KCNS1: variants seen among roughly 807,000 people sequenced by gnomAD.
KCNS1 encodes the protein delayed-rectifier potassium channel regulatory subunit KCNS1.
In KCNS1, 26 loss-of-function variants were observed where a neutral mutation model predicts 33.1. That is an observed-to-expected ratio of 0.79 (90% CI 0.58 to 1.09). The LOEUF is 1.09. KCNS1 is among the 50% of genes least tolerant of loss of function. KCNS1 has a pLI of 0.00. For missense variants in KCNS1, 702 were observed against 752.4 expected (o/e 0.93, Z 0.78); for synonymous variants, 299 against 338.8 (o/e 0.88, Z 1.29).
rs1981379274 is a variant in KCNS1, at chr20:45,101,112, C to G, written c.-195G>C. Reference sequence around the variant, plus strand: ...GGCTGAAGGCCGCATCGATCGCTGCCGGAGGAGGGAGTGAGGCCGCTGGCG... The same window carrying G: ...GGCTGAAGGCCGCATCGATCGCTGCGGGAGGAGGGAGTGAGGCCGCTGGCG... On this transcript the variant is annotated 5_prime_UTR_variant, in exon 1 of 4. Transcript: ENST00000537075. 6.6e-6 allele frequency: 1 copy of G among 152,444 alleles called. No homozygotes were observed. Among genetic ancestry groups the G allele is most frequent in the South Asian group, 2.1e-4 (1 of 4,832 alleles). 9.4% of individuals were successfully genotyped at this position (152,444 alleles called of 1,614,324 possible).
In KCNS1 at chr20:45,098,034, C is replaced by G; in HGVS notation, c.738G>C (p.Gln246His). Reference protein sequence around the residue: ...AMCIHSLPEYQAREAAAAVAA... With the variant: ...AMCIHSLPEYHAREAAAAVAA... ...CCACGGCGGCCGCCGCCTCGCGGGCCTGGTACTCGGGCAGGCTGTGGATGC... is the reference window on the plus strand; with the variant it reads ...CCACGGCGGCCGCCGCCTCGCGGGCGTGGTACTCGGGCAGGCTGTGGATGC... Residue 246 changes from glutamine (Q) to histidine (H), a missense_variant, in exon 3 of 4, where the codon CAG (glutamine) becomes CAC (histidine). By Grantham distance (24) the Gln-to-His change is conservative. Coordinates refer to ENST00000537075, the MANE Select transcript of KCNS1 (RefSeq NM_001322799.2). This position sits in a 1 kb window ranked among gnomAD's most constrained non-coding sequence, Gnocchi z 5.2. The G allele has an allele frequency of 6.6e-7, 1 of 1,520,580 alleles. No individual in the cohort carries two copies. Among genetic ancestry groups the G allele is most frequent in the Non-Finnish European group, 8.8e-7 (1 of 1,136,386 alleles). 94.2% of individuals were successfully genotyped at this position (1,520,580 alleles called of 1,614,324 possible).
In KCNS1 at chr20:45,092,757, T is replaced by C. The variant is rs1175641085; in HGVS notation, c.*2113A>G. ...ACACACACCTTCACACATGCCATTCTCTCTGCTTGGAGTACTCCCCCCTGG... is the reference window on the plus strand; with the variant it reads ...ACACACACCTTCACACATGCCATTCCCTCTGCTTGGAGTACTCCCCCCTGG... On this transcript the variant is annotated 3_prime_UTR_variant, in exon 4 of 4. Transcript: ENST00000537075. 6.6e-6 allele frequency: 1 copy of C among 151,894 alleles called. No individual in the cohort carries two copies. The highest frequency in any genetic ancestry group is 1.5e-5 in the Non-Finnish European group (1 of 67,992). 9.4% of individuals were successfully genotyped at this position (151,894 alleles called of 1,614,324 possible).
intron 3 of KCNS1, among the ~76,000 whole-genome samples, chr20:45,096,105 T>C (rs1981176507): frequency 6.6e-6 from 1 of 151,920 alleles, no homozygotes; most frequent in African/African-American, 2.4e-5. Flanking sequence ...TAAAGCAGAG[T>C]CTCTCCAACT....
intron 3 of KCNS1, among the ~76,000 whole-genome samples, chr20:45,096,643 A>G (rs1981193633): frequency 6.6e-6 from 1 of 152,210 alleles, no homozygotes; most frequent in Non-Finnish European, 1.5e-5. Context: ...AGCCAGGCAC[A>G]GGTGGGTTCT....
In KCNS1 at chr20:45,098,454, C is replaced by G. The variant is rs1316332092; in HGVS notation, c.318G>C (p.Arg106=). The part of the protein sequence containing the change: ...DEAAREFYFD[R]HPGFFLSLLH... ...GCAGGCTCAGGAAGAAGCCCGGGTG[C>G]CGGTCGAAGTAGAATTCGCGCGCCG... The change falls in exon 3 of 4, where the codon CGG becomes CGC. Residue 106 remains arginine, a synonymous_variant. Coordinates refer to ENST00000537075, the MANE Select transcript of KCNS1 (RefSeq NM_001322799.2). The surrounding 1 kb of genome is among the most constrained non-coding windows in gnomAD (Gnocchi z 5.2). 2 of 1,585,916 alleles carry G rather than the reference C, an allele frequency of 1.3e-6. No homozygotes were observed. Among genetic ancestry groups the G allele is most frequent in the Non-Finnish European group, 1.7e-6 (2 of 1,167,024 alleles).
rs768846266 is a variant in KCNS1, at chr20:45,095,041, C to T, written c.1410G>A (p.Leu470=). ...FSHFYRRQKA[L]EAAVRNSNHQ... ...GGTTGCTGTTGCGCACGGCTGCCTC[C>T]AGAGCCTTCTGGCGCCGGTAGAAGT... The change falls in exon 4 of 4, where the codon CTG becomes CTA. Residue 470 remains leucine (L), a synonymous_variant. Coordinates refer to ENST00000537075, the MANE Select transcript of KCNS1 (RefSeq NM_001322799.2). 2 of 1,613,974 alleles carry T rather than the reference C, an allele frequency of 1.2e-6. No individual in the cohort carries two copies. The highest frequency in any genetic ancestry group is 2.2e-5 in the South Asian group (2 of 91,072).
rs978599031 is a variant in KCNS1, at chr20:45,098,430, C to T, written c.342G>A (p.Leu114=). Reference sequence around the variant, plus strand: ...GGTGGCCAGTGCGGTAGAAGTGCAGCAGGCTCAGGAAGAAGCCCGGGTGCC... The same window carrying T: ...GGTGGCCAGTGCGGTAGAAGTGCAGTAGGCTCAGGAAGAAGCCCGGGTGCC... ...FDRHPGFFLS[L]LHFYRTGHLH... Residue 114 remains leucine (L), a synonymous_variant, in exon 3 of 4, where the codon CTG becomes CTA. Transcript: ENST00000537075. This position sits in a 1 kb window ranked among gnomAD's most constrained non-coding sequence, Gnocchi z 5.2. The T allele has an allele frequency of 1.3e-6, 2 of 1,596,018 alleles. No individual in the cohort carries two copies. Among genetic ancestry groups the T allele is most frequent in the African/African-American group, 2.7e-5 (2 of 74,242 alleles).
chr20:45,097,961 C>CCGGGTCGTCGCGCA lies in KCNS1; in HGVS notation c.797_810dup (p.Val271CysfsTer152). The CCGGGTCGTCGCGCA allele has an allele frequency of 6.4e-7, 1 of 1,560,536 alleles. No homozygotes were observed. Among genetic ancestry groups the CCGGGTCGTCGCGCA allele is most frequent in the South Asian group, 1.2e-5 (1 of 85,036 alleles). On this transcript the variant is annotated frameshift_variant, in exon 3 of 4. Transcript: ENST00000537075. LOFTEE classifies it high-confidence loss of function. ...CAGAAGTACTCGAGGCGTCGCAGCA[C>CCGGGTCGTCGCGCA]CGGGTCGTCGCGCACGCCTTCCGGG... is the stretch of plus-strand genomic sequence containing the variant.
At chr20:45,100,180 A>G (rs887449860) in intron 1 of KCNS1, 1 of 152,230 alleles carries the variant, frequency 6.6e-6, no homozygotes, top group African/African-American at 2.4e-5. Context: ...CCTTGAGTGC[A>G]TTCGTCGCCC....
Position 45,095,151 on chromosome 20 carries a change from C to T in KCNS1, c.1300G>A (p.Gly434Ser). The T allele has an allele frequency of 1.2e-6, 2 of 1,614,106 alleles. No homozygotes were observed. Among genetic ancestry groups the T allele is most frequent in the Non-Finnish European group, 1.7e-6 (2 of 1,179,998 alleles). The change falls in exon 4 of 4, where the codon GGC becomes AGC. Residue 434 changes from glycine to serine, a missense_variant. Around this residue, in one of 3 missense-constraint regions of KCNS1, gnomAD observed 253 missense variants for 327.4 expected, o/e 0.77. Transcript: ENST00000537075. The part of the protein sequence containing the change: ...YGDVVPVTVA[G>S]KLAASGCILG... ...ATGCAGCCTGAGGCTGCCAGCTTGC[C>T]AGCCACCGTCACTGGCACCACATCC...
At chr20:45,095,950 T>C (rs1260381484) in intron 3 of KCNS1, among the ~76,000 whole-genome samples, 3 of 152,078 alleles carry the variant, frequency 2.0e-5, no homozygotes, top group African/African-American at 7.2e-5. Context: ...TTTTGGTTGT[T>C]GCAACTGGGA....
At chr20:45,099,311 GTCTAGCA>G (rs1286592208) in intron 1 of KCNS1, 72 bp from the exon 2 acceptor site, 11 of 811,358 alleles carry the variant, frequency 1.4e-5, no homozygotes, top group Middle Eastern at 2.2e-4. Context: ...TAAGGGTGGG[GTCTAGCA>G]CTTTGTGTTC....
chr20:45,099,116 C>A, intron 2 of KCNS1, 45 bp downstream of exon 2: 1 of 1,547,800 alleles, frequency 6.5e-7, no homozygotes, highest in Non-Finnish European at 8.7e-7. Context: ...GCCCGCCAGC[C>A]CTCTGAACCT....
intron 2 of KCNS1, 69 bp downstream of exon 2, chr20:45,099,092 C>G (rs1052584621): frequency 2.6e-4 from 392 of 1,523,124 alleles, no homozygotes; most frequent in Non-Finnish European, 3.3e-4. Context: ...CAAAGGTCTA[C>G]TGTGGGATCT....
At chr20:45,099,346 G>T (rs572361507) in intron 1 of KCNS1, 107 bp from the exon 2 acceptor site, 2 of 689,858 alleles carry the variant, frequency 2.9e-6, no homozygotes, top group Admixed American at 4.2e-5. Context: ...ATTGGAAAGT[G>T]ATTCGGCTAC....
intron 1 of KCNS1, among the ~76,000 whole-genome samples, chr20:45,099,896 G>A (rs1032304075): frequency 1.3e-5 from 2 of 151,662 alleles, no homozygotes; most frequent in East Asian, 3.8e-4. Flanking sequence ...GTAATGCCTA[G>A]ACTAGGGATT....
rs1981319330 is a variant in KCNS1, at chr20:45,099,239, C to G, written c.-3G>C. ...CCCCGGACCAGCAGCATCAGCATCACCTGGGAATTTGTCAAAGATGCAAAT... is the reference window on the plus strand; with the variant it reads ...CCCCGGACCAGCAGCATCAGCATCAGCTGGGAATTTGTCAAAGATGCAAAT... On this transcript the variant is annotated splice_region_variant and 5_prime_UTR_variant, in exon 2 of 4. Transcript: ENST00000537075. The G allele has an allele frequency of 6.9e-7, 1 of 1,452,720 alleles. No individual in the cohort carries two copies. The allele number at this position is 1,452,720 out of a possible 1,614,324, so 90.0% of individuals were successfully genotyped here.
intron 1 of KCNS1, among the ~76,000 whole-genome samples, chr20:45,099,679 G>T (rs1981331891): frequency 6.6e-6 from 1 of 152,148 alleles, no homozygotes; most frequent in Non-Finnish European, 1.5e-5. Context: ...TGTCCTCCAG[G>T]TCTCAATTTC....
Position 45,097,983 on chromosome 20 carries a change from C to T in KCNS1, c.789G>A (p.Pro263=), listed in dbSNP as rs752113669. The T allele has an allele frequency of 1.5e-5, 23 of 1,540,454 alleles. No homozygotes were observed. The Middle Eastern group carries it at 1.7e-3, about 114-fold the overall frequency. ...AVAAVAAGRS[P]EGVRDDPVLR... ...GCACCGGGTCGTCGCGCACGCCTTC[C>T]GGGCTGCGGCCCGCGGCCACCGCAG... The change falls in exon 3 of 4, where the codon CCG becomes CCA. Residue 263 remains proline (P), a synonymous_variant. Transcript: ENST00000537075.
Sources: allele counts gnomAD v4.1 joint callset (sites outside exome capture counted in the v4.1 genomes callset), GRCh38; gene constraint gnomAD v4.1.1; regional missense constraint gnomAD v4.1.1; non-coding constraint Gnocchi (gnomAD v3.1); transcripts MANE v1.5; gene names NCBI Gene and HGNC (gene_info 2026-07-23, HGNC 2026-07-21).